CTIF: variants seen among roughly 807,000 people sequenced by gnomAD.
CTIF encodes the protein cap binding complex dependent translation initiation factor.
CTIF carries 21 observed loss-of-function variants against 66.0 expected under a neutral mutation model. The ratio of observed to expected loss-of-function variants is 0.32; its 90% CI spans 0.23 to 0.46. The LOEUF (loss-of-function observed/expected upper bound fraction) is 0.46. Among genes scored for constraint, CTIF ranks in the 20% least tolerant of loss-of-function variants. The pLI, the probability that CTIF is intolerant of heterozygous loss-of-function variation, is 1.00. For synonymous variants in CTIF, 345 were observed against 326.4 expected, an observed-to-expected ratio of 1.06 and a Z score of -0.62; for missense variants, 739 against 812.7, an observed-to-expected ratio of 0.91 and a Z score of 1.10.
chr18:48,743,957 G>A (rs961542892), intron 7 of CTIF, among the ~76,000 whole-genome samples: 16 of 152,296 alleles, frequency 1.1e-4, no homozygotes, highest in Admixed American at 7.2e-4. Flanking sequence ...CCGTTGAGGG[G>A]CTAAGTCTCC....
chr18:48,788,218 G>C (rs1911892021), intron 9 of CTIF, among the ~76,000 whole-genome samples: 1 of 152,178 alleles, frequency 6.6e-6, no homozygotes, highest in Non-Finnish European at 1.5e-5. Flanking sequence ...GAAAGAATCA[G>C]TAACAGCAAT....
intron 1 of CTIF, among the ~76,000 whole-genome samples, chr18:48,576,358 G>A (rs549066003): frequency 1.3e-5 from 2 of 152,342 alleles, no homozygotes; most frequent in African/African-American, 2.4e-5. Context: ...AAGAATTTGC[G>A]GTAGCTGGGG....
intron 9 of CTIF, among the ~76,000 whole-genome samples, chr18:48,774,618 C>G (rs559455833): frequency 3.9e-5 from 6 of 152,102 alleles, no homozygotes; most frequent in Admixed American, 6.5e-5. Flanking sequence ...AATCGTCCCC[C>G]CTCCAGCACC....
At chr18:48,737,230 A>G (rs2092511117) in intron 7 of CTIF, among the ~76,000 whole-genome samples, 1 of 152,182 alleles carries the variant, frequency 6.6e-6, no homozygotes, top group Non-Finnish European at 1.5e-5. Flanking sequence ...ATCTTGTCCA[A>G]GGTCCTCATT....
intron 1 of CTIF, among the ~76,000 whole-genome samples, chr18:48,613,657 G>A (rs1345050266): frequency 2.6e-5 from 4 of 152,204 alleles, no homozygotes; most frequent in Non-Finnish European, 4.4e-5. Flanking sequence ...CTGGGCTGGC[G>A]GCCGAGTCTG....
rs141170164 is a variant in CTIF, at chr18:48,623,100, T to C, written c.180+3355T>C. On this transcript the variant is annotated intron_variant, in intron 2 of 11. Transcript: ENST00000256413. Reference sequence around the variant, plus strand: ...TTCTGGCACCAGCTCCAGGGATCAGTGGGGCCTGACTCACGCTTGGATGCC... The same window carrying C: ...TTCTGGCACCAGCTCCAGGGATCAGCGGGGCCTGACTCACGCTTGGATGCC... 4.5e-4 allele frequency among the ~76,000 whole-genome samples: 69 copies of C among 152,328 alleles called. No homozygotes were observed. The East Asian group carries it at 0.013, about 28-fold the overall frequency.
At chr18:48,542,917 C>T (rs1324706687) in intron 1 of CTIF, among the ~76,000 whole-genome samples, 1 of 152,218 alleles carries the variant, frequency 6.6e-6, no homozygotes, top group Non-Finnish European at 1.5e-5. Context: ...TCTGGCGACA[C>T]GGAGCTAAGG....
chr18:48,745,427 G>A (rs2092588004), intron 7 of CTIF, among the ~76,000 whole-genome samples: 1 of 152,244 alleles, frequency 6.6e-6, no homozygotes, highest in Non-Finnish European at 1.5e-5. Context: ...TCTTTGGGGA[G>A]ATATTTAGAG....
chr18:48,823,226 A>G (rs975364664), intron 10 of CTIF, among the ~76,000 whole-genome samples: 7 of 152,138 alleles, frequency 4.6e-5, no homozygotes, highest in Non-Finnish European at 8.8e-5. Flanking sequence ...CATATCCAAA[A>G]AAAAAAAAGT....
chr18:48,730,687 G>T (rs1316135464), intron 7 of CTIF, among the ~76,000 whole-genome samples: 5 of 147,186 alleles, frequency 3.4e-5, no homozygotes, highest in Admixed American at 2.7e-4. Context: ...GCGGTGTGAG[G>T]AGCCCCTGAG....
chr18:48,599,910 G>A (rs1432653218), intron 1 of CTIF, among the ~76,000 whole-genome samples: 3 of 152,184 alleles, frequency 2.0e-5, no homozygotes, highest in East Asian at 1.9e-4. Context: ...GGCCTGTCAC[G>A]GGGCTTCCCT....
Position 48,761,703 on chromosome 18 carries a change from G to A in CTIF, c.1371+14G>A, listed in dbSNP as rs767040486. The A allele has an allele frequency of 1.8e-5, 28 of 1,599,012 alleles. No homozygotes were observed. Among genetic ancestry groups the A allele is most frequent in the African/African-American group, 5.4e-5 (4 of 74,696 alleles). ...AACATGCTGCAGGTAACTGGACGCC[G>A]GCCACCACCGCCCCGCGCCCCCTGC... is the stretch of plus-strand genomic sequence containing the variant. On this transcript the variant is annotated intron_variant, in intron 9 of 11. Transcript: ENST00000256413. The surrounding 1 kb of genome is among the most constrained non-coding windows in gnomAD (Gnocchi z 4.2).
chr18:48,669,885 G>A (rs866935764), intron 5 of CTIF, among the ~76,000 whole-genome samples: 1 of 138,606 alleles, frequency 7.2e-6, no homozygotes, highest in Non-Finnish European at 1.6e-5. Flanking sequence ...TTTACTGTGG[G>A]CTGTCACAGT....
At chr18:48,850,342 C>G (rs2069173708) in intron 10 of CTIF, among the ~76,000 whole-genome samples, 1 of 152,092 alleles carries the variant, frequency 6.6e-6, no homozygotes, top group African/African-American at 2.4e-5. Flanking sequence ...AGTCACTGTT[C>G]AAGATGCCGC....
rs548405537 is a variant in CTIF at position 48,608,322 on chromosome 18, T to G, written c.-28-11216T>G. ...AAAAGTCAGAAATTGTGGCTTTTTA[T>G]GTGAAATATTTTGATTTATAAACGT... is the stretch of plus-strand genomic sequence containing the variant. On this transcript the variant is annotated intron_variant, in intron 1 of 11. Transcript: ENST00000256413. Among the ~76,000 whole-genome samples the G allele has an allele frequency of 9.5e-4, 145 of 152,354 alleles. 1 individual carries two copies. The highest frequency in any genetic ancestry group is 3.2e-3 in the African/African-American group (135 of 41,592).
chr18:48,604,863 AT>A (rs2090174600), intron 1 of CTIF, among the ~76,000 whole-genome samples: 1 of 152,182 alleles, frequency 6.6e-6, no homozygotes, highest in Admixed American at 6.5e-5. Flanking sequence ...GACATTTCAT[AT>A]TAATGAAATC....
At chr18:48,695,471 C>T (rs150860522) in intron 6 of CTIF, among the ~76,000 whole-genome samples, 9 of 152,290 alleles carry the variant, frequency 5.9e-5, no homozygotes, top group East Asian at 3.9e-4. Flanking sequence ...ATGAGCATTC[C>T]GCTACGGTTC....
At chr18:48,606,237 A>G (rs1013502325) in intron 1 of CTIF, among the ~76,000 whole-genome samples, 4 of 152,232 alleles carry the variant, frequency 2.6e-5, no homozygotes, top group Non-Finnish European at 5.9e-5. Flanking sequence ...ACCCTATCTC[A>G]GCTCAACCTG....
At chr18:48,598,937 T>C (rs994660001) in intron 1 of CTIF, among the ~76,000 whole-genome samples, 3 of 152,188 alleles carry the variant, frequency 2.0e-5, no homozygotes, top group African/African-American at 7.2e-5. Context: ...CCCCTGCCCC[T>C]ATACGAGTGG....
Sources: gnomAD v4.1 joint callset for allele counts (sites outside exome capture counted in the v4.1 genomes callset) on GRCh38, gnomAD v4.1.1 for gene constraint, Gnocchi (gnomAD v3.1) non-coding constraint, MANE v1.5 for transcripts, NCBI Gene and HGNC (gene_info 2026-07-23, HGNC 2026-07-21) for gene names.